The following TRIOBP variants were observed in gnomAD, a reference collection of about 807,000 sequenced individuals.
The protein encoded by TRIOBP is TRIO and F-actin binding protein.
Under a neutral mutation model 238.8 loss-of-function variants are expected in TRIOBP, and 169 were observed. The ratio of observed to expected loss-of-function variants is 0.71; its 90% confidence interval spans 0.62 to 0.80. The LOEUF (loss-of-function observed/expected upper bound fraction) is 0.80. TRIOBP is among the 30% of genes least tolerant of loss of function. TRIOBP has a pLI of 0.00. For synonymous variants in TRIOBP, 1,150 were observed against 1,274.4 expected, an observed-to-expected ratio of 0.90 and a Z score of 2.08; for missense variants, 2,838 against 3,122.6, an observed-to-expected ratio of 0.91 and a Z score of 2.17.
intron 3 of TRIOBP, among the ~76,000 whole-genome samples, chr22:37,706,413 G>A (rs1347841538): frequency 2.0e-5 from 3 of 152,178 alleles, no homozygotes; most frequent in African/African-American, 7.2e-5. Flanking sequence ...CAGGGAATCA[G>A]CAGAGACAGC....
chr22:37,753,231 C>T (rs1022308541), intron 12 of TRIOBP, among the ~76,000 whole-genome samples: 16 of 152,160 alleles, frequency 1.1e-4, no homozygotes, highest in Non-Finnish European at 2.2e-4. Context: ...GGGCGCCGCT[C>T]GCCTCACCAG....
chr22:37,704,008 C>T (rs917098269), intron 3 of TRIOBP, among the ~76,000 whole-genome samples: 1 of 152,078 alleles, frequency 6.6e-6, no homozygotes, highest in Non-Finnish European at 1.5e-5. Flanking sequence ...CACCCGAGAC[C>T]GTGGGTCAGC....
chr22:37,715,703 T>C (rs1923474739), intron 5 of TRIOBP, 60 bp from the exon 6 acceptor site: 1 of 1,569,082 alleles, frequency 6.4e-7, no homozygotes. Context: ...ATTTGGAGAG[T>C]ATATGTCCTG....
At position 37,726,078 on chromosome 22, in the gene TRIOBP, C is replaced by T. The variant is rs1402437584; in HGVS notation, c.3522C>T (p.Phe1174=). 6.4e-7 allele frequency: 1 copy of T among 1,556,560 alleles called. No homozygotes were observed. The highest frequency in any genetic ancestry group is 8.7e-7 in the Non-Finnish European group (1 of 1,145,954). ...TTGGGCACCGGGATGCACCCTCCTT[C>T]TCATCCCCACCACGCCAGGCTCCTG... ...VCIGHRDAPS[F]SSPPRQAPEP... Residue 1174 remains phenylalanine, a synonymous_variant, in exon 7 of 24, where the codon TTC becomes TTT. Coordinates refer to ENST00000644935, the MANE Select transcript of TRIOBP (RefSeq NM_001039141.3).
rs181343029 is a variant in TRIOBP at position 37,748,201 on chromosome 22, C to T, written c.5323-3571C>T. Among the ~76,000 whole-genome samples, 317 of 152,260 alleles carry T rather than the reference C, an allele frequency of 2.1e-3. 1 individual carries two copies. Among genetic ancestry groups the T allele is most frequent in the Non-Finnish European group, 3.3e-3 (224 of 68,014 alleles). ...TAGAGCAGAGAGGAGGCTATGATCA[C>T]CATTAATAGTGTTCATTGAGTTCAT... On this transcript the variant is annotated intron_variant, in intron 11 of 23. Transcript: ENST00000644935.
chr22:37,728,330 A>G (rs921280143), intron 7 of TRIOBP, among the ~76,000 whole-genome samples: 6 of 151,434 alleles, frequency 4.0e-5, no homozygotes, highest in Non-Finnish European at 8.8e-5. Context: ...GCTACTCAGG[A>G]GGCTGAGGCA....
At chr22:37,767,398 T>TG (rs1266674118) in intron 18 of TRIOBP, among the ~76,000 whole-genome samples, 4 of 151,042 alleles carry the variant, frequency 2.6e-5, no homozygotes, top group African/African-American at 4.9e-5. Flanking sequence ...TGGCCCTGAG[T>TG]GGGAAAAAAA....
intron 6 of TRIOBP, among the ~76,000 whole-genome samples, chr22:37,721,292 C>T (rs1443104450): frequency 6.6e-6 from 1 of 152,080 alleles, no homozygotes; most frequent in Non-Finnish European, 1.5e-5. Flanking sequence ...GCATTACAGG[C>T]GTGAGCCACC....
At chr22:37,746,541 C>A in intron 11 of TRIOBP, 1 of 920,436 alleles carries the variant, frequency 1.1e-6, no homozygotes, top group South Asian at 3.1e-5. Flanking sequence ...GAGAGGAGGG[C>A]TGGGCCGGAA....
At chr22:37,704,103 G>A (rs1922800832) in intron 3 of TRIOBP, among the ~76,000 whole-genome samples, 1 of 152,152 alleles carries the variant, frequency 6.6e-6, no homozygotes, top group Non-Finnish European at 1.5e-5. Context: ...AAATCAGAAA[G>A]GCACAGCCAG....
chr22:37,744,987 T>G (rs569306584), intron 11 of TRIOBP, among the ~76,000 whole-genome samples: 2 of 152,188 alleles, frequency 1.3e-5, no homozygotes, highest in East Asian at 3.9e-4. Context: ...TGCCTCAGCC[T>G]TTTACATAGC....
Position 37,726,211 on chromosome 22 carries a change from G to A in TRIOBP, c.3655G>A (p.Gly1219Arg), listed in dbSNP as rs373220839. 3.9e-5 allele frequency: 62 copies of A among 1,601,050 alleles called. No homozygotes were observed. Among genetic ancestry groups the A allele is most frequent in the Middle Eastern group, 1.7e-4 (1 of 6,044 alleles). Reference protein sequence around the residue: ...SPVLIPQVCIGHRDAPRASSP... With the variant: ...SPVLIPQVCIRHRDAPRASSP... The stretch of plus-strand genomic sequence containing the variant: ...AGTGCTGATCCCCCAAGTGTGCATC[G>A]GGCACCGGGATGCACCCCGAGCCTC... The change falls in exon 7 of 24, where the codon GGG becomes AGG. Residue 1219 changes from glycine to arginine, a missense_variant. Transcript: ENST00000644935.
intron 6 of TRIOBP, among the ~76,000 whole-genome samples, chr22:37,717,264 G>T (rs928200187): frequency 2.0e-5 from 3 of 152,202 alleles, no homozygotes; most frequent in Admixed American, 1.3e-4. Flanking sequence ...GACCTTCGTG[G>T]TGAGCGTTAC....
At position 37,758,186 on chromosome 22, in the gene TRIOBP, C is replaced by T. The variant is rs549984511; in HGVS notation, c.6213+48C>T. 6.9e-6 allele frequency: 11 copies of T among 1,602,900 alleles called. No individual in the cohort carries two copies. In the Admixed American group the frequency reaches 1.9e-4, roughly 27 times the overall value. On this transcript the variant is annotated intron_variant, in intron 16 of 23. Transcript: ENST00000644935. ...TAGGAGGCCCCTTGCCCCAGCGCCCCTCCAGTCCCTGCATTCATGCCCTGG... is the reference window on the plus strand; with the variant it reads ...TAGGAGGCCCCTTGCCCCAGCGCCCTTCCAGTCCCTGCATTCATGCCCTGG...
Position 37,775,429 on chromosome 22 carries a change from G to C in TRIOBP, c.*1649G>C, listed in dbSNP as rs564770265. On this transcript the variant is annotated 3_prime_UTR_variant, in exon 24 of 24. Coordinates refer to ENST00000644935, the MANE Select transcript of TRIOBP (RefSeq NM_001039141.3). Reference sequence around the variant, plus strand: ...CAGTTCACGCAAGCCAGTGAAATGCGAGGGGAAGTCTTGGGAGTGGGGTGG... The same window carrying C: ...CAGTTCACGCAAGCCAGTGAAATGCCAGGGGAAGTCTTGGGAGTGGGGTGG... 6.6e-6 allele frequency: 1 copy of C among 152,350 alleles called. No homozygotes were observed. The highest frequency in any genetic ancestry group is 6.5e-5 in the Admixed American group (1 of 15,292). 9.4% of individuals were successfully genotyped at this position (152,350 alleles called of 1,614,324 possible). A position where few individuals can be genotyped will look rare whatever the true frequency, so the allele number is the denominator to read the frequency against.
chr22:37,697,347 C>T (rs1468425515), intron 1 of TRIOBP, among the ~76,000 whole-genome samples: 3 of 152,136 alleles, frequency 2.0e-5, no homozygotes, highest in Non-Finnish European at 2.9e-5. Flanking sequence ...TGGAGTAGAG[C>T]CCCCTACCCA....
At position 37,713,285 on chromosome 22, in the gene TRIOBP, GGCA is replaced by G; in HGVS notation, c.332_334del (p.Ala111del). ...CCAGGAGCAGGAGCCGGGAGCTTGA[GGCA>G]GTACCCTATCTGGAGGGCCTGACCA... On this transcript the variant is annotated inframe_deletion, in exon 5 of 24. Coordinates refer to ENST00000644935, the MANE Select transcript of TRIOBP (RefSeq NM_001039141.3). 6.2e-7 allele frequency: 1 copy of G among 1,613,998 alleles called. No homozygotes were observed. The highest frequency in any genetic ancestry group is 8.5e-7 in the Non-Finnish European group (1 of 1,179,912).
intron 9 of TRIOBP, among the ~76,000 whole-genome samples, chr22:37,737,518 G>A (rs539258289): frequency 3.9e-5 from 6 of 152,036 alleles, no homozygotes; most frequent in African/African-American, 9.6e-5. Context: ...AAAATTAGCC[G>A]GGCGTGGTGG....
chr22:37,716,379 C>A (rs981264777), intron 6 of TRIOBP, among the ~76,000 whole-genome samples: 1 of 151,796 alleles, frequency 6.6e-6, no homozygotes, highest in African/African-American at 2.4e-5. Context: ...CCTAAATTGC[C>A]GGGATTACAG....
Sources: gnomAD v4.1 joint callset for allele counts (sites outside exome capture counted in the v4.1 genomes callset) on GRCh38, gnomAD v4.1.1 for gene constraint, MANE v1.5 for transcripts, NCBI Gene and HGNC (gene_info 2026-07-23, HGNC 2026-07-21) for gene names.